PIH1D2: variants seen among roughly 807,000 people sequenced by gnomAD.
The protein encoded by PIH1D2 is PIH1 domain containing 2, also known as PIH1 domain-containing protein 2.
Under a neutral mutation model 31.2 loss-of-function variants are expected in PIH1D2, and 25 were observed. The ratio of observed to expected loss-of-function variants is 0.80; its 90% confidence interval spans 0.58 to 1.12. The LOEUF (loss-of-function observed/expected upper bound fraction) is 1.12. Ranked by LOEUF, PIH1D2 falls within the 50% of genes most tolerant of loss-of-function variation. The pLI is 0.00. For synonymous variants in PIH1D2, 116 were observed against 119.9 expected, an observed-to-expected ratio of 0.97 and a Z score of 0.21; for missense variants, 310 against 356.6, an observed-to-expected ratio of 0.87 and a Z score of 1.05.
downstream of PIH1D2, among the ~76,000 whole-genome samples, chr11:112,062,109 A>G (rs1415599669): frequency 6.6e-6 from 1 of 152,166 alleles, no homozygotes; most frequent in Admixed American, 6.5e-5. Context: ...TGCTGTTGCA[A>G]ATAATCTGCC....
downstream of PIH1D2, among the ~76,000 whole-genome samples, chr11:112,066,654 AT>A (rs377105761): frequency 4.3e-3 from 641 of 148,292 alleles, 2 homozygotes; most frequent in African/African-American, 0.015. Flanking sequence ...AAAAAAAGAT[AT>A]ATTTTGTTTG....
chr11:112,064,302 T>C (rs1864821249), downstream of PIH1D2: 1 of 1,234,998 alleles, frequency 8.1e-7, no homozygotes, highest in Non-Finnish European at 1.1e-6. Context: ...CTAAATCGAT[T>C]CAGTCTCTTA....
downstream of PIH1D2, among the ~76,000 whole-genome samples, chr11:112,059,598 G>A (rs1157723637): frequency 3.9e-5 from 6 of 152,104 alleles, no homozygotes; most frequent in African/African-American, 1.4e-4. Context: ...TCGCCATGTT[G>A]GCCAGGCTGG....
At chr11:112,056,873 T>G in the PIH1D2 span, among the ~76,000 whole-genome samples, 1 of 152,234 alleles carries the variant, frequency 6.6e-6, no homozygotes, top group Non-Finnish European at 1.5e-5. Flanking sequence ...CATCTACTTG[T>G]GAGAGTATCT....
At chr11:112,059,110 C>T (rs1302911054), downstream of PIH1D2, among the ~76,000 whole-genome samples, 3 of 151,882 alleles carry the variant, frequency 2.0e-5, no homozygotes, top group African/African-American at 7.3e-5. Context: ...TACCACCACC[C>T]ATGTATCCTG....
intron 2 of PIH1D2, 109 bp downstream of exon 2, chr11:112,072,889 C>CAAAAAAA (rs1164293992): frequency 1.9e-5 from 17 of 885,450 alleles, no homozygotes; most frequent in South Asian, 2.8e-5. Flanking sequence ...CAAAACAAAA[C>CAAAAAAA]AAAAAAAAAA....
At chr11:112,059,025 T>C (rs587735348), downstream of PIH1D2, among the ~76,000 whole-genome samples, 1 of 152,092 alleles carries the variant, frequency 6.6e-6, no homozygotes, top group East Asian at 1.9e-4. Flanking sequence ...TTGGGACTCC[T>C]TGATAACAGA....
chr11:112,055,235 A>ATTT, the PIH1D2 span, among the ~76,000 whole-genome samples: 95 of 75,460 alleles, frequency 1.3e-3, 8 homozygotes, highest in Non-Finnish European at 1.6e-3. Context: ...GTCAAGGCCT[A>ATTT]TTTTTTTTTT....
chr11:112,057,910 T>C, the PIH1D2 span, among the ~76,000 whole-genome samples: 5 of 152,228 alleles, frequency 3.3e-5, no homozygotes, highest in Non-Finnish European at 5.9e-5. Flanking sequence ...TTAAGGTGTA[T>C]ACATTGGTTT....
downstream of PIH1D2, chr11:112,067,774 G>A (rs1592748402): frequency 1.5e-6 from 2 of 1,371,214 alleles, no homozygotes; most frequent in East Asian, 5.5e-5. Context: ...AATGGAATTG[G>A]TGTTTAAGAT....
chr11:112,052,671 G>C, the PIH1D2 span, among the ~76,000 whole-genome samples: 3 of 151,998 alleles, frequency 2.0e-5, no homozygotes, highest in Non-Finnish European at 4.4e-5. Flanking sequence ...CTTGTTGAAG[G>C]GTCTTAATAG....
downstream of PIH1D2, among the ~76,000 whole-genome samples, chr11:112,066,321 A>G (rs1864925849): frequency 6.6e-6 from 1 of 152,164 alleles, no homozygotes; most frequent in Admixed American, 6.5e-5. Flanking sequence ...CCCAATGTCA[A>G]CTACTTTTTT....
chr11:112,072,068 G>A (rs1399582152), intron 2 of PIH1D2, among the ~76,000 whole-genome samples: 6 of 152,004 alleles, frequency 3.9e-5, no homozygotes, highest in East Asian at 3.9e-4. Flanking sequence ...ACTCCTGCCC[G>A]GGTGACGAGA....
At position 112,070,810 on chromosome 11, in the gene PIH1D2, T is replaced by C. The variant is rs191075461; in HGVS notation, c.548-109A>G. On this transcript the variant is annotated intron_variant, in intron 4 of 5. Coordinates refer to ENST00000280350, the MANE Select transcript of PIH1D2 (RefSeq NM_138789.4). ...TAGAGATGGTAGATAAAGCTGCAGT[T>C]AAATTAGTTTGGGAATCAAGCCAAA... 17 of 1,310,150 alleles carry C rather than the reference T, an allele frequency of 1.3e-5. No homozygotes were observed. In the East Asian group the frequency reaches 4.0e-4, roughly 31 times the overall value. 81.2% of individuals were successfully genotyped at this position (1,310,150 alleles called of 1,614,324 possible). A position where few individuals can be genotyped will look rare whatever the true frequency, so the allele number is the denominator to read the frequency against.
In PIH1D2 at chr11:112,067,828, A is replaced by G. The variant is rs1293833739; in HGVS notation, c.*43T>C. The G allele has an allele frequency of 5.0e-6, 8 of 1,604,048 alleles. No individual in the cohort carries two copies. The highest frequency in any genetic ancestry group is 4.5e-5 in the East Asian group (2 of 44,512). On this transcript the variant is annotated 3_prime_UTR_variant, in exon 6 of 6. Coordinates refer to ENST00000280350, the MANE Select transcript of PIH1D2 (RefSeq NM_138789.4). The stretch of plus-strand genomic sequence containing the variant: ...CCAAAATGAAGGTCCTTTAATTCAC[A>G]TGACTTTAGCACTGAAAACCCAAAA...
At chr11:112,053,926 A>T in the PIH1D2 span, among the ~76,000 whole-genome samples, 1 of 151,484 alleles carries the variant, frequency 6.6e-6, no homozygotes, top group Non-Finnish European at 1.5e-5. Flanking sequence ...GACTAGAGAG[A>T]AAAAAAAAGG....
chr11:112,067,636 T>A (rs1864963260), downstream of PIH1D2, among the ~76,000 whole-genome samples: 1 of 89,636 alleles, frequency 1.1e-5, no homozygotes, highest in South Asian at 4.4e-4. Context: ...CACTCCAGCC[T>A]GGGCAACAAG....
chr11:112,056,265 T>C, the PIH1D2 span, among the ~76,000 whole-genome samples: 1 of 152,168 alleles, frequency 6.6e-6, no homozygotes, highest in Non-Finnish European at 1.5e-5. Flanking sequence ...AGGTGCAGAA[T>C]TACGCAGTCT....
downstream of PIH1D2, chr11:112,059,929 C>T (rs368631614): frequency 2.7e-5 from 44 of 1,611,090 alleles, no homozygotes; most frequent in Middle Eastern, 1.7e-4. Flanking sequence ...GTCAGTGTTG[C>T]GGTCAGTACT....
Sources: gnomAD v4.1 joint callset for allele counts (sites outside exome capture counted in the v4.1 genomes callset) on GRCh38, gnomAD v4.1.1 for gene constraint, MANE v1.5 for transcripts, NCBI Gene and HGNC (gene_info 2026-07-23, HGNC 2026-07-21) for gene names.